The following PNOC variants were observed in gnomAD, a reference collection of about 807,000 sequenced individuals.
The protein encoded by PNOC is prepronociceptin.
PNOC carries 10 observed loss-of-function variants against 15.6 expected under a neutral mutation model. The observed-to-expected ratio is 0.64, with a 90% CI of 0.40 to 1.09. The LOEUF is 1.09. Ranked by LOEUF, PNOC falls within the 50% of genes least tolerant of loss-of-function variation. The probability of loss-of-function intolerance (pLI) is 0.01; values close to 1 mark genes in which losing one functional copy is unlikely to be tolerated. For synonymous variants in PNOC, 98 were observed against 88.5 expected, an observed-to-expected ratio of 1.11 and a Z score of -0.60; for missense variants, 220 against 223.9, an observed-to-expected ratio of 0.98 and a Z score of 0.11.
At chr8:28,321,705 C>G (rs1585825346) in intron 1 of PNOC, among the ~76,000 whole-genome samples, 1 of 152,308 alleles carries the variant, frequency 6.6e-6, no homozygotes, top group African/African-American at 2.4e-5. Context: ...CAGGTAACGA[C>G]AGAGCCAGAC....
chr8:28,318,756 C>T (rs921643622), intron 1 of PNOC, among the ~76,000 whole-genome samples: 2 of 152,232 alleles, frequency 1.3e-5, no homozygotes, highest in Non-Finnish European at 2.9e-5. Flanking sequence ...TGCTGCCTGG[C>T]GAGGGCGCTG....
intron 2 of PNOC, among the ~76,000 whole-genome samples, chr8:28,334,091 A>T (rs948300514): frequency 6.2e-5 from 9 of 145,016 alleles, no homozygotes; most frequent in Non-Finnish European, 1.2e-4. Context: ...CACACACACC[A>T]GTTCTGACAA....
At chr8:28,342,741 A>G (rs1801544718) in intron 3 of PNOC, among the ~76,000 whole-genome samples, 1 of 152,170 alleles carries the variant, frequency 6.6e-6, no homozygotes, top group Non-Finnish European at 1.5e-5. Flanking sequence ...CGTTTAGTCT[A>G]TTAGTCCAGC....
chr8:28,327,095 G>A (rs1011497015), intron 1 of PNOC, among the ~76,000 whole-genome samples: 5 of 152,218 alleles, frequency 3.3e-5, no homozygotes, highest in African/African-American at 1.2e-4. Context: ...TGCACAGAAT[G>A]TAAATGTACA....
chr8:28,317,941 C>T (rs915403776), intron 1 of PNOC, among the ~76,000 whole-genome samples: 2 of 152,106 alleles, frequency 1.3e-5, no homozygotes, highest in Non-Finnish European at 2.9e-5. Context: ...TGCTGAGCGC[C>T]ACGGCGTGTG....
At chr8:28,325,983 A>C (rs1407484217) in intron 1 of PNOC, among the ~76,000 whole-genome samples, 1 of 152,202 alleles carries the variant, frequency 6.6e-6, no homozygotes, top group Non-Finnish European at 1.5e-5. Flanking sequence ...AAGAAAAATT[A>C]ATCTCAAATG....
Position 28,339,387 on chromosome 8 carries a change from C to T in PNOC, c.474C>T (p.Val158=), listed in dbSNP as rs1198584056. Residue 158 remains valine (V), a synonymous_variant, in exon 3 of 4, where the codon GTC becomes GTT. Coordinates refer to ENST00000301908, the MANE Select transcript of PNOC (RefSeq NM_006228.5). ...GTGAGTTTATGAGGCAATACTTGGT[C>T]CTGAGCATGCAGTCCAGCCAGCGCC... ...RFSEFMRQYL[V]LSMQSSQRRR... 3 of 1,576,264 alleles carry T rather than the reference C, an allele frequency of 1.9e-6. No homozygotes were observed. Among genetic ancestry groups the T allele is most frequent in the East Asian group, 2.3e-5 (1 of 44,312 alleles).
At chr8:28,333,888 C>T (rs1025330685) in intron 2 of PNOC, among the ~76,000 whole-genome samples, 3 of 152,192 alleles carry the variant, frequency 2.0e-5, no homozygotes, top group African/African-American at 7.2e-5. Context: ...CTATGACTTT[C>T]CCAGTGCTAG....
intron 3 of PNOC, among the ~76,000 whole-genome samples, chr8:28,342,363 A>T: frequency 6.6e-6 from 1 of 151,492 alleles, no homozygotes; most frequent in Admixed American, 6.6e-5. Flanking sequence ...TCAAAAAAAA[A>T]AAAAAAAAAA....
intron 2 of PNOC, among the ~76,000 whole-genome samples, chr8:28,334,073 C>A (rs1801372723): frequency 6.8e-6 from 1 of 148,024 alleles, no homozygotes; most frequent in African/African-American, 2.4e-5. Flanking sequence ...CACACACACA[C>A]ACACACACAC....
At chr8:28,317,625 G>A (rs1444547423) in intron 1 of PNOC, among the ~76,000 whole-genome samples, 4 of 152,170 alleles carry the variant, frequency 2.6e-5, no homozygotes, top group Non-Finnish European at 5.9e-5. Flanking sequence ...GTTGCTCTGT[G>A]TCGAGAGGAG....
At chr8:28,330,400 T>TATTTTTTTTTTTTTTTTTTTTA (rs1431540071) in intron 2 of PNOC, among the ~76,000 whole-genome samples, 1 of 102,228 alleles carries the variant, frequency 9.8e-6, no homozygotes, top group East Asian at 2.4e-4. Context: ...TATTTTATTT[T>TATTTTTTTTTTTTTTTTTTTTA]TTTTTTTTTT....
chr8:28,321,034 T>TTTG lies in PNOC; in HGVS notation c.-24+3736_-24+3738dup, dbSNP rs773684714. On this transcript the variant is annotated intron_variant, in intron 1 of 3. Coordinates refer to ENST00000301908, the MANE Select transcript of PNOC (RefSeq NM_006228.5). ...CTTGCTATATTGCCCAGGCAGGTCT[T>TTTG]TTGTTGTTGTTGTTGTTGTTTACAG... Among the ~76,000 whole-genome samples the TTTG allele has an allele frequency of 3.0e-4, 46 of 151,754 alleles. 1 individual carries two copies. Among genetic ancestry groups the TTTG allele is most frequent in the African/African-American group, 7.3e-4 (30 of 41,314 alleles).
chr8:28,338,950 C>G, intron 2 of PNOC, 90 bp from the exon 3 acceptor site: 1 of 1,251,418 alleles, frequency 8.0e-7, no homozygotes. Flanking sequence ...GAAGCACTTG[C>G]ACTGGTGCAG....
In PNOC at chr8:28,339,243, G is replaced by T. The variant is rs1801469455; in HGVS notation, c.330G>T (p.Glu110Asp). ...GGAGCTTGTTCCAGGAGCAGGAAGA[G>T]CCCGAGCCTGGCATGGAGGAGGCTG... is the stretch of plus-strand genomic sequence containing the variant. ...RVRSLFQEQE[E>D]PEPGMEEAGE... is the part of the protein sequence containing the mutation. Residue 110 changes from glutamate to aspartate, a missense_variant, in exon 3 of 4, where the codon GAG becomes GAT. By Grantham distance (45) the Glu-to-Asp change is conservative. Transcript: ENST00000301908. 6.2e-7 allele frequency: 1 copy of T among 1,610,356 alleles called. No individual in the cohort carries two copies. Among genetic ancestry groups the T allele is most frequent in the Non-Finnish European group, 8.5e-7 (1 of 1,176,812 alleles).
In PNOC at chr8:28,329,146, T is replaced by C. The variant is rs1198296448; in HGVS notation, c.-12T>C. 1 of 1,613,274 alleles carries C rather than the reference T, an allele frequency of 6.2e-7. No homozygotes were observed. The highest frequency in any genetic ancestry group is 1.3e-5 in the African/African-American group (1 of 75,044). ...CCTGTATGTTCCAGCACCTGCTTCC[T>C]GCTCCTGCACCATGAAAGTCCTGCT... On this transcript the variant is annotated 5_prime_UTR_variant, in exon 2 of 4. Coordinates refer to ENST00000301908, the MANE Select transcript of PNOC (RefSeq NM_006228.5).
Position 28,339,199 on chromosome 8 carries a change from C to A in PNOC, c.286C>A (p.Arg96=). 6.2e-7 allele frequency: 1 copy of A among 1,613,254 alleles called. No homozygotes were observed. Among genetic ancestry groups the A allele is most frequent in the Non-Finnish European group, 8.5e-7 (1 of 1,179,248 alleles). ...QPRASEMQHL[R]RMPRVRSLFQ... ...GAGAGCTTCGGAGATGCAGCATCTG[C>A]GGCGAATGCCCCGAGTCCGGAGCTT... Residue 96 remains arginine (R), a synonymous_variant, in exon 3 of 4, where the codon CGG becomes AGG. Transcript: ENST00000301908.
chr8:28,328,377 C>T (rs951555000), intron 1 of PNOC, among the ~76,000 whole-genome samples: 2 of 152,038 alleles, frequency 1.3e-5, no homozygotes, highest in African/African-American at 4.8e-5. Context: ...TGTGCCTGGC[C>T]CAAAGATCCC....
chr8:28,328,726 G>A (rs1350653941), intron 1 of PNOC, among the ~76,000 whole-genome samples: 2 of 152,180 alleles, frequency 1.3e-5, no homozygotes, highest in Non-Finnish European at 2.9e-5. Context: ...TATGAAAACT[G>A]AGGCTCAAAG....
Sources: allele counts gnomAD v4.1 joint callset (sites outside exome capture counted in the v4.1 genomes callset), GRCh38; gene constraint gnomAD v4.1.1; transcripts MANE v1.5; gene names NCBI Gene and HGNC (gene_info 2026-07-23, HGNC 2026-07-21).